KCNIP4: variants seen among roughly 807,000 people sequenced by gnomAD.
KCNIP4 encodes Kv channel-interacting protein 4.
KCNIP4 carries 12 observed loss-of-function variants against 34.0 expected under a neutral mutation model. The observed-to-expected ratio is 0.35, with a 90% CI of 0.23 to 0.57. KCNIP4 has a LOEUF of 0.57. KCNIP4 is among the 20% of genes least tolerant of loss of function. KCNIP4 has a pLI of 0.83. For synonymous variants in KCNIP4, 124 were observed against 102.2 expected, an observed-to-expected ratio of 1.21 and a Z score of -1.29; for missense variants, 238 against 311.7, an observed-to-expected ratio of 0.76 and a Z score of 1.78.
chr4:21,714,946 T>C lies in KCNIP4; in HGVS notation c.61+233625A>G, dbSNP rs370289469. On this transcript the variant is annotated intron_variant, in intron 1 of 8. Transcript: ENST00000382152. Reference sequence around the variant, plus strand: ...TTTATTTTATTTTATTTTATTTTATTTTATTTTATTTTATTTTATTTTATT... The same window carrying C: ...TTTATTTTATTTTATTTTATTTTATCTTATTTTATTTTATTTTATTTTATT... 8.7e-3 allele frequency among the ~76,000 whole-genome samples: 2 copies of C among 230 alleles called. 1 individual carries two copies. Among genetic ancestry groups the C allele is most frequent in the Non-Finnish European group, 0.013 (2 of 158 alleles). The allele number at this position is 230 out of a possible 152,430, so 0.2% of individuals were successfully genotyped here.
At chr4:20,871,672 AAC>A (rs1217984377) in intron 2 of KCNIP4, among the ~76,000 whole-genome samples, 1 of 152,148 alleles carries the variant, frequency 6.6e-6, no homozygotes, top group East Asian at 1.9e-4. Context: ...ACATTCATTC[AAC>A]ACAGACACAG....
At chr4:21,453,717 T>C (rs1333488346) in intron 1 of KCNIP4, among the ~76,000 whole-genome samples, 1 of 152,074 alleles carries the variant, frequency 6.6e-6, no homozygotes, top group Non-Finnish European at 1.5e-5. Context: ...ACACAATAAA[T>C]GCTGCCTTAT....
intron 1 of KCNIP4, among the ~76,000 whole-genome samples, chr4:21,695,125 A>T (rs1237956127): frequency 6.6e-6 from 1 of 152,070 alleles, no homozygotes. Flanking sequence ...CTACTTCTTC[A>T]TTAATTACTA....
chr4:21,172,101 C>A (rs1321778233), intron 1 of KCNIP4, among the ~76,000 whole-genome samples: 2 of 152,130 alleles, frequency 1.3e-5, no homozygotes, highest in African/African-American at 4.8e-5. Flanking sequence ...GATCTTGGCT[C>A]ACTGCAACCT....
intron 1 of KCNIP4, among the ~76,000 whole-genome samples, chr4:21,186,737 C>T (rs1755258657): frequency 6.6e-6 from 1 of 152,152 alleles, no homozygotes; most frequent in Non-Finnish European, 1.5e-5. Context: ...CTTCACCTGC[C>T]ACGCTCAAGC....
chr4:21,380,336 C>CA (rs1721362492), intron 1 of KCNIP4, among the ~76,000 whole-genome samples: 2 of 151,036 alleles, frequency 1.3e-5, no homozygotes, highest in South Asian at 4.2e-4. Context: ...AAAACAGCCT[C>CA]AACAACTGGA....
chr4:21,728,778 C>T (rs1034728577), intron 1 of KCNIP4, among the ~76,000 whole-genome samples: 5 of 152,098 alleles, frequency 3.3e-5, no homozygotes, highest in Non-Finnish European at 7.4e-5. Context: ...CCTGGGGAAG[C>T]CCTTCTTAAG....
intron 1 of KCNIP4, among the ~76,000 whole-genome samples, chr4:21,489,355 A>G (rs965809671): frequency 4.0e-5 from 6 of 151,862 alleles, no homozygotes; most frequent in African/African-American, 1.4e-4. Flanking sequence ...CCAGCACTAA[A>G]TCAATACCCT....
intron 5 of KCNIP4, among the ~76,000 whole-genome samples, chr4:20,744,644 G>A (rs1255663974): frequency 6.6e-6 from 1 of 152,128 alleles, no homozygotes; most frequent in Non-Finnish European, 1.5e-5. Flanking sequence ...GGGAGGGATA[G>A]CATTAGGAGA....
intron 1 of KCNIP4, among the ~76,000 whole-genome samples, chr4:21,443,251 C>A (rs938787011): frequency 6.6e-6 from 1 of 152,188 alleles, no homozygotes; most frequent in Admixed American, 6.5e-5. Context: ...AGCTTCTCAT[C>A]ATTCTCAAAT....
At chr4:20,854,883 C>T (rs1376503311) in intron 2 of KCNIP4, among the ~76,000 whole-genome samples, 3 of 152,036 alleles carry the variant, frequency 2.0e-5, no homozygotes, top group Admixed American at 6.6e-5. Flanking sequence ...TTGTACTTTG[C>T]TTTGTGAATT....
At chr4:21,862,968 G>GAA (rs200677663) in intron 1 of KCNIP4, among the ~76,000 whole-genome samples, 1 of 109,428 alleles carries the variant, frequency 9.1e-6, no homozygotes, top group African/African-American at 2.9e-5. Flanking sequence ...CTCAAAAAAA[G>GAA]AAAAAAAAAG....
At chr4:21,054,380 G>A (rs532414645) in intron 1 of KCNIP4, among the ~76,000 whole-genome samples, 10 of 152,034 alleles carry the variant, frequency 6.6e-5, no homozygotes, top group Non-Finnish European at 1.2e-4. Flanking sequence ...TTAGCCAGGC[G>A]TGGTGGTGGA....
intron 1 of KCNIP4, among the ~76,000 whole-genome samples, chr4:21,036,128 A>C (rs1435539345): frequency 6.6e-6 from 1 of 152,198 alleles, no homozygotes; most frequent in Non-Finnish European, 1.5e-5. Flanking sequence ...CACTTGCTCC[A>C]TAATCTTTGC....
chr4:21,172,373 T>C (rs993794421), intron 1 of KCNIP4, among the ~76,000 whole-genome samples: 3 of 152,164 alleles, frequency 2.0e-5, no homozygotes, highest in African/African-American at 7.2e-5. Context: ...TTAATACTGA[T>C]ATGAACTGTG....
intron 6 of KCNIP4, among the ~76,000 whole-genome samples, chr4:20,733,987 G>A (rs1748986977): frequency 6.6e-6 from 1 of 152,174 alleles, no homozygotes; most frequent in Non-Finnish European, 1.5e-5. Context: ...TTCTGGGGAA[G>A]TCTCGTGAGG....
chr4:20,953,419 C>T (rs542587188), intron 1 of KCNIP4, among the ~76,000 whole-genome samples: 93 of 152,250 alleles, frequency 6.1e-4, no homozygotes, highest in African/African-American at 2.2e-3. Flanking sequence ...CACATGTAAT[C>T]CCAGCACTTT....
At chr4:20,822,268 C>T (rs956473948) in intron 3 of KCNIP4, among the ~76,000 whole-genome samples, 1 of 152,046 alleles carries the variant, frequency 6.6e-6, no homozygotes, top group Non-Finnish European at 1.5e-5. Flanking sequence ...CATGAATAGA[C>T]AATTCTCAAA....
intron 1 of KCNIP4, among the ~76,000 whole-genome samples, chr4:21,779,944 A>C (rs1719472478): frequency 6.9e-6 from 1 of 145,058 alleles, no homozygotes; most frequent in Non-Finnish European, 1.5e-5. Context: ...AAAAAAAAAA[A>C]AGGAAGAATA....
Sources: gnomAD v4.1 joint callset for allele counts (sites outside exome capture counted in the v4.1 genomes callset) on GRCh38, gnomAD v4.1.1 for gene constraint, MANE v1.5 for transcripts, NCBI Gene and HGNC (gene_info 2026-07-23, HGNC 2026-07-21) for gene names.